The following WIF1 variants were observed in gnomAD, a reference collection of about 807,000 sequenced individuals.
The protein encoded by WIF1 is Wnt inhibitory factor 1.
In WIF1, 35 loss-of-function variants were observed where a neutral mutation model predicts 53.5. The observed-to-expected ratio is 0.65, with a 90% CI of 0.50 to 0.87. The LOEUF is 0.87. Among genes scored for constraint, WIF1 ranks in the 40% least tolerant of loss-of-function variants. The pLI, the probability that WIF1 is intolerant of heterozygous loss-of-function variation, is 0.00. For missense variants in WIF1, 467 were observed against 476.8 expected (o/e 0.98, Z 0.19); for synonymous variants, 171 against 170.4 (o/e 1.00, Z -0.03).
intron 2 of WIF1, among the ~76,000 whole-genome samples, chr12:65,115,449 A>G (rs1883494607): frequency 6.6e-6 from 1 of 152,172 alleles, no homozygotes; most frequent in East Asian, 1.9e-4. Flanking sequence ...TTAAATTTTT[A>G]CTTGAAAGCC....
intron 7 of WIF1, among the ~76,000 whole-genome samples, chr12:65,060,636 A>G (rs1882597870): frequency 6.6e-6 from 1 of 152,232 alleles, no homozygotes; most frequent in Non-Finnish European, 1.5e-5. Flanking sequence ...ATGGCTACAC[A>G]ATCTTGTGAA....
chr12:65,058,364 CTCT>C (rs1882560875), intron 7 of WIF1, among the ~76,000 whole-genome samples: 1 of 152,170 alleles, frequency 6.6e-6, no homozygotes. Flanking sequence ...TTTTCTCCTC[CTCT>C]ATGAGGGGTG....
rs1289908119 is a variant in WIF1, at chr12:65,062,556, A to G, written c.751T>C (p.Phe251Leu). 6.2e-7 allele frequency: 1 copy of G among 1,608,002 alleles called. No individual in the cohort carries two copies. The highest frequency in any genetic ancestry group is 2.2e-5 in the East Asian group (1 of 44,830). Residue 251 changes from phenylalanine to leucine, a missense_variant, in exon 7 of 10, where the codon TTT becomes CTT. Physicochemically the swap from Phe to Leu is conservative, Grantham distance 22 (BLOSUM62 0). Coordinates refer to ENST00000286574, the MANE Select transcript of WIF1 (RefSeq NM_007191.5). ...GGGTAGAAACAGGTCCCTCCATTAA[A>G]GCAGGTGGTTGAGCAGTTTGCTGTT... Reference protein sequence around the residue: ...CDKANCSTTCFNGGTCFYPGK... With the variant: ...CDKANCSTTCLNGGTCFYPGK...
rs1475538278 is a variant in WIF1 at position 65,116,993 on chromosome 12, A to G, written c.288+3424T>C. Among the ~76,000 whole-genome samples the G allele has an allele frequency of 3.3e-5, 5 of 151,516 alleles. No individual in the cohort carries two copies. In the East Asian group the frequency reaches 9.6e-4, roughly 29 times the overall value. On this transcript the variant is annotated intron_variant, in intron 2 of 9. Coordinates refer to ENST00000286574, the MANE Select transcript of WIF1 (RefSeq NM_007191.5). ...TCCGTGAAACCAGACTCTGGTGCCA[A>G]AATGGTTGGGGACCACTTTTATAAA...
chr12:65,119,137 G>A (rs964252488), intron 2 of WIF1, among the ~76,000 whole-genome samples: 3 of 152,200 alleles, frequency 2.0e-5, no homozygotes, highest in African/African-American at 4.8e-5. Flanking sequence ...AAGGCCATTC[G>A]TTGGTTTATT....
chr12:65,074,554 A>G (rs1032567883), intron 3 of WIF1, among the ~76,000 whole-genome samples: 1 of 152,126 alleles, frequency 6.6e-6, no homozygotes, highest in Non-Finnish European at 1.5e-5. Flanking sequence ...GTGCTGGCTC[A>G]TGCCTGTAAT....
intron 9 of WIF1, 68 bp downstream of exon 9, chr12:65,055,050 T>A: frequency 4.6e-6 from 7 of 1,527,172 alleles, no homozygotes; most frequent in Non-Finnish European, 6.3e-6. Flanking sequence ...TGGCCCTTCT[T>A]CTGGTCTCCC....
rs573084357 is a variant in WIF1, at chr12:65,100,201, A to T, written c.288+20216T>A. Among the ~76,000 whole-genome samples the T allele has an allele frequency of 2.8e-4, 42 of 152,310 alleles. 1 individual carries two copies. Among genetic ancestry groups the T allele is most frequent in the African/African-American group, 9.4e-4 (39 of 41,570 alleles). On this transcript the variant is annotated intron_variant, in intron 2 of 9. Transcript: ENST00000286574. ...ACTAGTTTTGTATTTGTAGGCTAGA[A>T]GTATAATTTATAATGTAGCATCTAT...
At chr12:65,114,891 C>T (rs187209198) in intron 2 of WIF1, among the ~76,000 whole-genome samples, 3 of 152,054 alleles carry the variant, frequency 2.0e-5, no homozygotes, top group Non-Finnish European at 2.9e-5. Flanking sequence ...AATGAAGGTA[C>T]CCCACTGACT....
At chr12:65,081,857 A>AT (rs926266941) in intron 2 of WIF1, among the ~76,000 whole-genome samples, 25 of 151,622 alleles carry the variant, frequency 1.6e-4, no homozygotes, top group Non-Finnish European at 3.4e-4. Flanking sequence ...AAGTTTTAAG[A>AT]TAAAAAAAAA....
chr12:65,063,896 T>G (rs1342929216), intron 6 of WIF1, among the ~76,000 whole-genome samples: 1 of 147,874 alleles, frequency 6.8e-6, no homozygotes, highest in Non-Finnish European at 1.5e-5. Context: ...GAATTTTTTC[T>G]GTATAGATGG....
In WIF1 at chr12:65,067,749, C is replaced by T; in HGVS notation, c.580G>A (p.Glu194Lys). Residue 194 changes from glutamate to lysine, a missense_variant, in exon 5 of 10, where the codon GAA (glutamate) becomes AAA (lysine). Transcript: ENST00000286574. ...GGCRNGGFCN[E>K]RRICECPDGF... ...TCAGGACACTCGCAGATGCGTCTTT[C>T]ATTACAAAAGCCTCCATTTCGGCAC... 3.1e-6 allele frequency: 5 copies of T among 1,613,366 alleles called. No homozygotes were observed. The highest frequency in any genetic ancestry group is 4.2e-6 in the Non-Finnish European group (5 of 1,179,484).
intron 2 of WIF1, among the ~76,000 whole-genome samples, chr12:65,098,493 A>G (rs926949935): frequency 6.6e-6 from 1 of 152,194 alleles, no homozygotes; most frequent in Non-Finnish European, 1.5e-5. Flanking sequence ...TTTCCATGAT[A>G]TCATATGGCT....
Position 65,051,428 on chromosome 12 carries a change from G to C in WIF1, c.1061C>G (p.Ala354Gly), listed in dbSNP as rs1565746449. The stretch of plus-strand genomic sequence containing the variant: ...TGAAGGCGTGTGCTGCCTGAGCTGG[G>C]CGCCTGCTGGCCTCAGGGCATGTAT... ...SLIHALRPAGAQLRQHTPSLK... is the reference protein window; with the variant it reads ...SLIHALRPAGGQLRQHTPSLK... The change falls in exon 10 of 10, where the codon GCC becomes GGC. Residue 354 changes from alanine (A) to glycine (G), a missense_variant. By Grantham distance (60) the Ala-to-Gly change is moderately conservative (BLOSUM62 0). Coordinates refer to ENST00000286574, the MANE Select transcript of WIF1 (RefSeq NM_007191.5). 7 of 1,613,396 alleles carry C rather than the reference G, an allele frequency of 4.3e-6. No homozygotes were observed. Among genetic ancestry groups the C allele is most frequent in the Non-Finnish European group, 5.9e-6 (7 of 1,179,748 alleles).
chr12:65,107,208 C>T (rs1883364135), intron 2 of WIF1, among the ~76,000 whole-genome samples: 1 of 152,186 alleles, frequency 6.6e-6, no homozygotes, highest in African/African-American at 2.4e-5. Context: ...ATAAATACAA[C>T]CTCAATCCTA....
At chr12:65,058,662 T>C (rs10784435) in intron 7 of WIF1, among the ~76,000 whole-genome samples, 92,892 of 152,030 alleles carry the variant, frequency 0.61, 28,777 homozygotes, top group East Asian at 0.73. Flanking sequence ...TTAATAGGAA[T>C]TTCTTCTTCC....
intron 2 of WIF1, among the ~76,000 whole-genome samples, chr12:65,106,382 T>TA (rs1673501425): frequency 8.7e-6 from 1 of 114,768 alleles, no homozygotes; most frequent in African/African-American, 4.1e-5. Context: ...TATTTTTTTT[T>TA]ATTTTTTTTG....
Position 65,056,140 on chromosome 12 carries a change from G to A in WIF1, c.827-14C>T. On this transcript the variant is annotated splice_polypyrimidine_tract_variant and intron_variant, in intron 7 of 9. Transcript: ENST00000286574. ...GTGGGCATTTGCCTGAAAAAGAGAAGAATGCAGCTAAACAAGGAACCTGGT... is the reference window on the plus strand; with the variant it reads ...GTGGGCATTTGCCTGAAAAAGAGAAAAATGCAGCTAAACAAGGAACCTGGT... 1.2e-6 allele frequency: 2 copies of A among 1,611,644 alleles called. No homozygotes were observed. The highest frequency in any genetic ancestry group is 1.7e-6 in the Non-Finnish European group (2 of 1,178,378).
intron 2 of WIF1, among the ~76,000 whole-genome samples, chr12:65,102,119 G>T (rs189655965): frequency 5.5e-4 from 83 of 152,288 alleles, no homozygotes; most frequent in African/African-American, 1.9e-3. Flanking sequence ...CAAGAGTTTA[G>T]TTGATCAAGA....
Sources: gnomAD v4.1 joint callset for allele counts (sites outside exome capture counted in the v4.1 genomes callset) on GRCh38, gnomAD v4.1.1 for gene constraint, MANE v1.5 for transcripts, NCBI Gene and HGNC (gene_info 2026-07-23, HGNC 2026-07-21) for gene names.